INKA2: variants seen among roughly 807,000 people sequenced by gnomAD.
The protein encoded by INKA2 is PAK4-inhibitor INKA2.
Under a neutral mutation model 9.8 loss-of-function variants are expected in INKA2, and 3 were observed. The ratio of observed to expected loss-of-function variants is 0.31; its 90% CI spans 0.14 to 0.79. The LOEUF (loss-of-function observed/expected upper bound fraction) is 0.79. Among genes scored for constraint, INKA2 ranks in the 30% least tolerant of loss-of-function variants. The probability of loss-of-function intolerance (pLI) is 0.62; values close to 1 mark genes in which losing one functional copy is unlikely to be tolerated. For synonymous variants in INKA2, 147 were observed against 143.3 expected, an observed-to-expected ratio of 1.03 and a Z score of -0.18; for missense variants, 392 against 384.4, an observed-to-expected ratio of 1.02 and a Z score of -0.17.
rs2101346223 is a variant in INKA2 at position 111,723,245 on chromosome 1, C to T, written c.*3723G>A. 1 of 595,990 alleles carries T rather than the reference C, an allele frequency of 1.7e-6. No individual in the cohort carries two copies. Among genetic ancestry groups the T allele is most frequent in the Non-Finnish European group, 3.0e-6 (1 of 334,966 alleles). 36.9% of individuals were successfully genotyped at this position (595,990 alleles called of 1,614,324 possible). A position where few individuals can be genotyped will look rare whatever the true frequency, so the allele number is the denominator to read the frequency against. ...GAAAGATGGAGGAGCCTCTCCCCAA[C>T]AAGGCCCTAGGGAGGAGATGGGGAT... On this transcript the variant is annotated 3_prime_UTR_variant, in exon 2 of 2. Coordinates refer to ENST00000357260, the MANE Select transcript of INKA2 (RefSeq NM_019099.5).
upstream of INKA2, among the ~76,000 whole-genome samples, chr1:111,740,371 C>G (rs1300377540): frequency 6.6e-6 from 1 of 152,142 alleles, no homozygotes; most frequent in African/African-American, 2.4e-5. Flanking sequence ...GGCCGATGGG[C>G]TCCGCAGACC....
intron 1 of INKA2, among the ~76,000 whole-genome samples, chr1:111,751,912 G>A (rs904796343): frequency 1.3e-5 from 2 of 151,418 alleles, no homozygotes; most frequent in South Asian, 2.1e-4. Flanking sequence ...AGCTGGGCAC[G>A]TGATTGTCCA....
Position 111,726,325 on chromosome 1 carries a change from C to T in INKA2, c.*643G>A, listed in dbSNP as rs1662769703. The T allele has an allele frequency of 2.7e-6, 1 of 364,128 alleles. No individual in the cohort carries two copies. The allele number at this position is 364,128 out of a possible 1,614,324, so 22.6% of individuals were successfully genotyped here. A position where few individuals can be genotyped will look rare whatever the true frequency, so the allele number is the denominator to read the frequency against. On this transcript the variant is annotated 3_prime_UTR_variant, in exon 2 of 2. Transcript: ENST00000357260. ...GGAGTGTCTAGGGCTTCCCTGGCTG[C>T]TCCTTACACACTGTACTCCTTATTC...
intron 1 of INKA2, among the ~76,000 whole-genome samples, chr1:111,737,387 C>G (rs746101422): frequency 6.6e-6 from 1 of 152,124 alleles, no homozygotes; most frequent in African/African-American, 2.4e-5. Context: ...AAATGCAAAT[C>G]AGTAGGATTT....
chr1:111,755,623 A>C lies in INKA2; in HGVS notation n.124+78T>G, dbSNP rs552565168. 6.1e-5 allele frequency: 96 copies of C among 1,584,876 alleles called. No homozygotes were observed. The African/African-American group carries it at 1.1e-3, about 18-fold the overall frequency. ...GGGGCACGGCTGGGCGGCTCCGCCC[A>C]GAAGAGGGCCGAGAGGCGGGGCGGT... On this transcript the variant is annotated intron_variant and non_coding_transcript_variant, in intron 1 of 1. Transcript: ENST00000444059.
At chr1:111,727,874 C>T in intron 1 of INKA2, 70 bp from the exon 2 acceptor site, 1 of 1,462,928 alleles carries the variant, frequency 6.8e-7, no homozygotes, top group East Asian at 2.3e-5. Flanking sequence ...CAGCCCTGAA[C>T]TTAGGTCCCC....
chr1:111,743,824 G>T (rs1019571053), upstream of INKA2, among the ~76,000 whole-genome samples: 1 of 152,192 alleles, frequency 6.6e-6, no homozygotes, highest in Non-Finnish European at 1.5e-5. Flanking sequence ...CTCATTCCTT[G>T]CCCCCGACTG....
intron 1 of INKA2, among the ~76,000 whole-genome samples, chr1:111,730,098 C>T (rs1259852363): frequency 6.6e-6 from 1 of 152,230 alleles, no homozygotes; most frequent in African/African-American, 2.4e-5. Flanking sequence ...GGGACAGATG[C>T]ACATGTTGTT....
intron 1 of INKA2, among the ~76,000 whole-genome samples, chr1:111,749,423 T>G (rs1350575289): frequency 4.6e-4 from 36 of 78,352 alleles, no homozygotes; most frequent in African/African-American, 1.1e-3. Context: ...TGTGTTGGGG[T>G]GTGTGTGTGT....
intron 1 of INKA2, among the ~76,000 whole-genome samples, chr1:111,728,928 G>T (rs1662848421): frequency 1.5e-5 from 1 of 65,112 alleles, no homozygotes; most frequent in African/African-American, 6.4e-5. Context: ...TTCAAACAGG[G>T]TCTTGCTGTT....
intron 1 of INKA2, among the ~76,000 whole-genome samples, chr1:111,734,122 G>A (rs866991359): frequency 1.3e-5 from 2 of 152,222 alleles, no homozygotes; most frequent in African/African-American, 4.8e-5. Context: ...GGAAGGTAAA[G>A]CGGAAACTGT....
chr1:111,731,115 T>C (rs2101362966), intron 1 of INKA2, among the ~76,000 whole-genome samples: 1 of 152,304 alleles, frequency 6.6e-6, no homozygotes, highest in Non-Finnish European at 1.5e-5. Context: ...TGCTGACATT[T>C]TGCACAGTTT....
Position 111,722,720 on chromosome 1 carries a change from C to T in INKA2, c.*4248G>A, listed in dbSNP as rs946753889. Reference sequence around the variant, plus strand: ...GTATACAGTGTACAAAAACATGTCACCTATTGTCTTCTCTGACCCTTGCTA... The same window carrying T: ...GTATACAGTGTACAAAAACATGTCATCTATTGTCTTCTCTGACCCTTGCTA... On this transcript the variant is annotated 3_prime_UTR_variant, in exon 2 of 2. Transcript: ENST00000357260. The T allele has an allele frequency of 3.2e-5, 7 of 216,080 alleles. No homozygotes were observed. The South Asian group carries it at 3.4e-4, about 11-fold the overall frequency. The allele number at this position is 216,080 out of a possible 1,614,324, so 13.4% of individuals were successfully genotyped here.
intron 1 of INKA2, among the ~76,000 whole-genome samples, chr1:111,733,243 C>T (rs1201386004): frequency 6.6e-6 from 1 of 152,176 alleles, no homozygotes; most frequent in Non-Finnish European, 1.5e-5. Context: ...GAAGTGTTTA[C>T]ACTTGCCATA....
At chr1:111,735,295 C>G (rs10489472) in intron 1 of INKA2, among the ~76,000 whole-genome samples, 1 of 152,176 alleles carries the variant, frequency 6.6e-6, no homozygotes, top group African/African-American at 2.4e-5. Flanking sequence ...ATGACTCTTA[C>G]GCAAAACAGT....
At chr1:111,728,532 A>G (rs1662841149) in intron 1 of INKA2, among the ~76,000 whole-genome samples, 1 of 152,162 alleles carries the variant, frequency 6.6e-6, no homozygotes, top group African/African-American at 2.4e-5. Context: ...CCTACTCCAA[A>G]AATCTGAAAG....
At chr1:111,737,556 T>C (rs954910635) in intron 1 of INKA2, among the ~76,000 whole-genome samples, 3 of 152,218 alleles carry the variant, frequency 2.0e-5, no homozygotes, top group African/African-American at 7.2e-5. Context: ...TGTGATGACC[T>C]TGAGCTTTCT....
At chr1:111,747,844 G>C (rs780931504) in intron 1 of INKA2, 1 of 152,184 alleles carries the variant, frequency 6.6e-6, no homozygotes, top group Admixed American at 6.5e-5. Flanking sequence ...GTGTGTGTGT[G>C]TGTGGTTCAG....
intron 1 of INKA2, among the ~76,000 whole-genome samples, chr1:111,731,540 T>C (rs6658723): frequency 0.56 from 85,465 of 151,842 alleles, 24,183 homozygotes; most frequent in East Asian, 0.73. Flanking sequence ...TTTGTAGAGA[T>C]GGGGTTTCAC....
Sources: gnomAD v4.1 joint callset for allele counts (sites outside exome capture counted in the v4.1 genomes callset) on GRCh38, gnomAD v4.1.1 for gene constraint, MANE v1.5 for transcripts, NCBI Gene and HGNC (gene_info 2026-07-23, HGNC 2026-07-21) for gene names.